Variants in DLGAP3 observed in about 807,000 individuals in gnomAD.
DLGAP3 encodes the protein DLG associated protein 3, also known as disks large-associated protein 3.
A neutral mutation model predicts 81.2 loss-of-function variants in DLGAP3; 17 were observed. That is an observed-to-expected ratio of 0.21 (90% confidence interval 0.14 to 0.31). The LOEUF (loss-of-function observed/expected upper bound fraction) is 0.31, where lower values mean the gene tolerates loss of function less well. DLGAP3 is among the 10% of genes least tolerant of loss of function. The pLI, the probability that DLGAP3 is intolerant of heterozygous loss-of-function variation, is 1.00. For synonymous variants in DLGAP3, 577 were observed against 587.4 expected, an observed-to-expected ratio of 0.98 and a Z score of 0.26; for missense variants, 1,124 against 1,388.0, an observed-to-expected ratio of 0.81 and a Z score of 3.02.
Position 34,877,298 on chromosome 1 carries a change from G to C in DLGAP3, c.2000+7680C>G, listed in dbSNP as rs1569602581. On this transcript the variant is annotated intron_variant, in intron 8 of 11. Coordinates refer to ENST00000373347, the MANE Select transcript of DLGAP3 (RefSeq NM_001080418.3). ...GCAAACTTGGACTCAAAACGCTCAT[G>C]CCAGGGATGCAGGAATGTGGCCTGG... 2.0e-5 allele frequency among the ~76,000 whole-genome samples: 3 copies of C among 152,344 alleles called. No homozygotes were observed. In the East Asian group the frequency reaches 5.8e-4, roughly 29 times the overall value.
At chr1:34,917,330 C>T (rs1041974500) in intron 1 of DLGAP3, among the ~76,000 whole-genome samples, 2 of 151,412 alleles carry the variant, frequency 1.3e-5, no homozygotes, top group Non-Finnish European at 2.9e-5. Context: ...CATTTCCATC[C>T]GATAGATCCT....
intron 3 of DLGAP3, among the ~76,000 whole-genome samples, chr1:34,901,759 G>T (rs1191801559): frequency 6.6e-6 from 1 of 152,246 alleles, no homozygotes; most frequent in Non-Finnish European, 1.5e-5. Flanking sequence ...AGACCACAGT[G>T]AGGGGAGAAT....
At chr1:34,889,946 G>A (rs1639288477) in intron 5 of DLGAP3, among the ~76,000 whole-genome samples, 2 of 152,194 alleles carry the variant, frequency 1.3e-5, no homozygotes, top group South Asian at 4.1e-4. Flanking sequence ...CTTGGGCATA[G>A]GAGGAAGGCT....
At chr1:34,869,158 A>G in intron 8 of DLGAP3, 69 bp from the exon 9 acceptor site, 2 of 1,106,642 alleles carry the variant, frequency 1.8e-6, no homozygotes, top group African/African-American at 3.1e-5. Context: ...CACCCCAAGC[A>G]AAAAAAAGGA....
At chr1:34,911,168 CCTGT>C (rs1639635172) in intron 1 of DLGAP3, among the ~76,000 whole-genome samples, 1 of 151,976 alleles carries the variant, frequency 6.6e-6, no homozygotes, top group Admixed American at 6.6e-5. Flanking sequence ...TAGCTTTTCC[CCTGT>C]CTGTGTTGCC....
chr1:34,927,770 A>C (rs1639897715), intron 1 of DLGAP3, among the ~76,000 whole-genome samples: 1 of 147,952 alleles, frequency 6.8e-6, no homozygotes, highest in South Asian at 2.2e-4. Flanking sequence ...AATGCTGCGC[A>C]GTGGTAGAGG....
intron 8 of DLGAP3, among the ~76,000 whole-genome samples, chr1:34,871,012 T>A (rs1050651689): frequency 1.3e-5 from 2 of 152,220 alleles, no homozygotes; most frequent in Non-Finnish European, 1.5e-5. Flanking sequence ...TAGAAATAGA[T>A]AAGTAATTGC....
Position 34,900,455 on chromosome 1 carries a change from C to A in DLGAP3, c.1108-182G>T, listed in dbSNP as rs1931059. 6.6e-6 allele frequency among the ~76,000 whole-genome samples: 1 copy of A among 152,124 alleles called. No individual in the cohort carries two copies. The highest frequency in any genetic ancestry group is 1.5e-5 in the Non-Finnish European group (1 of 68,022). On this transcript the variant is annotated intron_variant, in intron 3 of 11. Transcript: ENST00000373347. This position sits in a 1 kb window ranked among gnomAD's most constrained non-coding sequence, Gnocchi z 5.6. ...TCCCCGTCCCTTACAAGAGACACCT[C>A]GTCATCCTCCACAGACCTTCTGCAC...
intron 1 of DLGAP3, among the ~76,000 whole-genome samples, chr1:34,927,028 G>GA (rs1176979674): frequency 6.6e-6 from 1 of 152,120 alleles, no homozygotes; most frequent in African/African-American, 2.4e-5. Context: ...ACTAACATGA[G>GA]AAAGTCTGGG....
intron 1 of DLGAP3, among the ~76,000 whole-genome samples, chr1:34,928,004 A>T (rs1379835605): frequency 6.6e-6 from 1 of 152,194 alleles, no homozygotes; most frequent in Non-Finnish European, 1.5e-5. Context: ...CTGTTTTTGT[A>T]GGTTAAATAA....
rs1019819055 is a variant in DLGAP3 at position 34,899,701 on chromosome 1, G to T, written c.1354C>A (p.Pro452Thr). The change falls in exon 5 of 12, where the codon CCT becomes ACT. Residue 452 changes from proline (P) to threonine (T), a missense_variant. Coordinates refer to ENST00000373347, the MANE Select transcript of DLGAP3 (RefSeq NM_001080418.3). ...PPRIHPRSSI[P>T]GYSRSLTTGQ... ...GTGGTGAGGGAACGGCTGTAGCCAG[G>T]GATGGAGCTCCGGGGGTGGATCCGG... 1 of 1,613,956 alleles carries T rather than the reference G, an allele frequency of 6.2e-7. No individual in the cohort carries two copies. The highest frequency in any genetic ancestry group is 1.3e-5 in the African/African-American group (1 of 74,918).
At chr1:34,923,166 C>T (rs1391188853) in intron 1 of DLGAP3, among the ~76,000 whole-genome samples, 2 of 152,158 alleles carry the variant, frequency 1.3e-5, no homozygotes, top group Non-Finnish European at 2.9e-5. Flanking sequence ...AATCCTTCCT[C>T]CCAGCACCTC....
chr1:34,892,368 AGCATAGCACCAT>A (rs143671573), intron 5 of DLGAP3, among the ~76,000 whole-genome samples: 4,219 of 152,310 alleles, frequency 0.028, 78 homozygotes, highest in Middle Eastern at 0.065. Flanking sequence ...GACAACATCA[AGCATAGCACCAT>A]GCATGTGATG....
In DLGAP3 at chr1:34,904,311, G is replaced by T. The variant is rs1218438558; in HGVS notation, c.1073C>A (p.Thr358Asn). The T allele has an allele frequency of 1.9e-6, 3 of 1,608,414 alleles. No homozygotes were observed. The East Asian group carries it at 6.7e-5, about 36-fold the overall frequency. The change falls in exon 3 of 12, where the codon ACC becomes AAC. Residue 358 changes from threonine to asparagine, a missense_variant. Coordinates refer to ENST00000373347, the MANE Select transcript of DLGAP3 (RefSeq NM_001080418.3). The surrounding 1 kb of genome is among the most constrained non-coding windows in gnomAD (Gnocchi z 8.1). ...GTGATAAGTCCTGGCTTTGGCCTTGGTCTCCGGACCCAGGAGCCCCTTGCC... is the reference window on the plus strand; with the variant it reads ...GTGATAAGTCCTGGCTTTGGCCTTGTTCTCCGGACCCAGGAGCCCCTTGCC... ...GPGKGLLGPETKAKARTYHYL... is the reference protein window; with the variant it reads ...GPGKGLLGPENKAKARTYHYL...
chr1:34,918,989 C>T (rs1364206106), intron 1 of DLGAP3, among the ~76,000 whole-genome samples: 2 of 152,186 alleles, frequency 1.3e-5, no homozygotes, highest in African/African-American at 4.8e-5. Flanking sequence ...CCTCTCTTCT[C>T]CTCCCTTTCC....
chr1:34,910,812 G>C (rs1350265178), intron 1 of DLGAP3, among the ~76,000 whole-genome samples: 2 of 152,106 alleles, frequency 1.3e-5, no homozygotes, highest in Admixed American at 6.6e-5. Flanking sequence ...GTGACTCCTA[G>C]ATTGTCCATC....
rs1186646952 is a variant in DLGAP3 at position 34,897,986 on chromosome 1, C to T, written c.1386+1683G>A. Among the ~76,000 whole-genome samples, 5 of 152,258 alleles carry T rather than the reference C, an allele frequency of 3.3e-5. No individual in the cohort carries two copies. The South Asian group carries it at 8.3e-4, about 25-fold the overall frequency. ...AATTCAGAGGATAGAGCAGCAACTGCGGCAGCCAGGGGCGGGAGGGGATTG... is the reference window on the plus strand; with the variant it reads ...AATTCAGAGGATAGAGCAGCAACTGTGGCAGCCAGGGGCGGGAGGGGATTG... On this transcript the variant is annotated intron_variant, in intron 5 of 11. Transcript: ENST00000373347.
At chr1:34,906,038 T>A (rs1192456797) in intron 2 of DLGAP3, among the ~76,000 whole-genome samples, 105 of 40,544 alleles carry the variant, frequency 2.6e-3, no homozygotes, top group East Asian at 0.018. Context: ...ATATATTTGT[T>A]TGTTTTTATA....
In DLGAP3 at chr1:34,901,496, G is replaced by A. The variant is rs143981045; in HGVS notation, c.1108-1223C>T. ...TCTGGCCCCATCACTTGCTGGATAG[G>A]TGAACTTAAGCAAAACAGATTAACC... On this transcript the variant is annotated intron_variant, in intron 3 of 11. Transcript: ENST00000373347. Among the ~76,000 whole-genome samples, 70 of 152,322 alleles carry A rather than the reference G, an allele frequency of 4.6e-4. 1 individual carries two copies. In the East Asian group the frequency reaches 0.013, roughly 27 times the overall value.
Sources: gnomAD v4.1 joint callset for allele counts (sites outside exome capture counted in the v4.1 genomes callset) on GRCh38, gnomAD v4.1.1 for gene constraint, Gnocchi (gnomAD v3.1) non-coding constraint, MANE v1.5 for transcripts, NCBI Gene and HGNC (gene_info 2026-07-23, HGNC 2026-07-21) for gene names.